TRIOBP: variants seen among roughly 807,000 people sequenced by gnomAD.
TRIOBP encodes the protein TRIO and F-actin binding protein, also known as TRIO and F-actin-binding protein.
TRIOBP carries 169 observed loss-of-function variants against 238.8 expected under a neutral mutation model. That is an observed-to-expected ratio of 0.71 (90% CI 0.62 to 0.80). TRIOBP has a LOEUF of 0.80. TRIOBP is among the 30% of genes least tolerant of loss of function. The probability of loss-of-function intolerance (pLI) is 0.00; values close to 1 mark genes in which losing one functional copy is unlikely to be tolerated. For synonymous variants in TRIOBP, 1,150 were observed against 1,274.4 expected (o/e 0.90, Z 2.08); for missense variants, 2,838 against 3,122.6 (o/e 0.91, Z 2.17).
intron 11 of TRIOBP, among the ~76,000 whole-genome samples, chr22:37,741,867 CAGGGCTGCAGAG>C (rs1383937603): frequency 6.6e-6 from 1 of 152,206 alleles, no homozygotes; most frequent in Non-Finnish European, 1.5e-5. Flanking sequence ...TGTGGAGACT[CAGGGCTGCAGAG>C]AGGGCTCAGG....
At chr22:37,737,104 G>C (rs990729316) in intron 9 of TRIOBP, among the ~76,000 whole-genome samples, 2 of 152,188 alleles carry the variant, frequency 1.3e-5, no homozygotes, top group African/African-American at 2.4e-5. Flanking sequence ...TTGCTGTCAG[G>C]CTTGTTAGGA....
rs907585850 is a variant in TRIOBP, at chr22:37,774,750, C to G, written c.*970C>G. On this transcript the variant is annotated 3_prime_UTR_variant, in exon 24 of 24. Transcript: ENST00000644935. ...GCAAGTCCAGTCCCACCCCAACCTA[C>G]TGAACCAGCGTCTGCATTTTAACAG... 2.0e-5 allele frequency: 3 copies of G among 152,378 alleles called. No homozygotes were observed. Among genetic ancestry groups the G allele is most frequent in the African/African-American group, 4.8e-5 (2 of 41,440 alleles). 9.4% of individuals were successfully genotyped at this position (152,378 alleles called of 1,614,324 possible).
At chr22:37,709,473 AG>A (rs1436426679) in intron 3 of TRIOBP, among the ~76,000 whole-genome samples, 5 of 152,176 alleles carry the variant, frequency 3.3e-5, no homozygotes, top group Non-Finnish European at 2.9e-5. Flanking sequence ...CTGCCACCAC[AG>A]CCCGGAGTCG....
rs751630433 is a variant in TRIOBP, at chr22:37,726,049, T to C, written c.3493T>C (p.Cys1165Arg). Reference protein sequence around the residue: ...HECPHIPTPVCIGHRDAPSFS... With the variant: ...HECPHIPTPVRIGHRDAPSFS... ...GTGCCCCCACATCCCCACCCCTGTG[T>C]GCATTGGGCACCGGGATGCACCCTC... Residue 1165 changes from cysteine to arginine, a missense_variant, in exon 7 of 24, where the codon TGC (cysteine) becomes CGC (arginine). By Grantham distance (180) the Cys-to-Arg change is radical. Around this residue, in one of 5 missense-constraint regions of TRIOBP, gnomAD observed 2,096 missense variants for 2,137.4 expected, o/e 0.98. Coordinates refer to ENST00000644935, the MANE Select transcript of TRIOBP (RefSeq NM_001039141.3). The C allele has an allele frequency of 6.2e-7, 1 of 1,611,020 alleles. No homozygotes were observed. The highest frequency in any genetic ancestry group is 1.1e-5 in the South Asian group (1 of 90,764).
At chr22:37,717,983 C>G (rs1015572959) in intron 6 of TRIOBP, among the ~76,000 whole-genome samples, 2 of 152,186 alleles carry the variant, frequency 1.3e-5, no homozygotes, top group Non-Finnish European at 2.9e-5. Flanking sequence ...GAGCCCTGCC[C>G]GGTGGGAAGG....
chr22:37,703,211 G>T (rs1199649620), intron 3 of TRIOBP, among the ~76,000 whole-genome samples: 1 of 151,820 alleles, frequency 6.6e-6, no homozygotes, highest in Admixed American at 6.6e-5. Flanking sequence ...GGTCAGTCTG[G>T]TCTCGAACTC....
intron 10 of TRIOBP, among the ~76,000 whole-genome samples, chr22:37,739,839 G>A (rs550478219): frequency 3.3e-5 from 5 of 152,298 alleles, no homozygotes; most frequent in East Asian, 1.9e-4. Flanking sequence ...TGAACGAGGC[G>A]GAAACAGCAA....
intron 6 of TRIOBP, among the ~76,000 whole-genome samples, chr22:37,716,948 G>A (rs569012199): frequency 2.6e-5 from 4 of 152,320 alleles, no homozygotes; most frequent in Non-Finnish European, 5.9e-5. Flanking sequence ...CAGCAAACAG[G>A]ATAGTCATGG....
At chr22:37,731,038 C>T (rs546390231) in intron 7 of TRIOBP, among the ~76,000 whole-genome samples, 21 of 152,046 alleles carry the variant, frequency 1.4e-4, no homozygotes, top group Admixed American at 3.3e-4. Flanking sequence ...GGTTCCTCTC[C>T]GAACCAGCTG....
chr22:37,736,713 C>T (rs1015556784), intron 9 of TRIOBP, among the ~76,000 whole-genome samples: 1 of 152,118 alleles, frequency 6.6e-6, no homozygotes, highest in Non-Finnish European at 1.5e-5. Flanking sequence ...CTGCAACCTC[C>T]GCCCCCCAGG....
intron 22 of TRIOBP, 84 bp downstream of exon 22, chr22:37,771,820 G>A: frequency 1.6e-6 from 2 of 1,237,064 alleles, no homozygotes; most frequent in Non-Finnish European, 2.4e-6. Flanking sequence ...TCTGTGCCAA[G>A]CCCTCCACTC....
Position 37,769,109 on chromosome 22 carries a change from C to T in TRIOBP, c.6657C>T (p.Leu2219=), listed in dbSNP as rs757527207. The part of the protein sequence containing the change: ...YSQKCLEIGA[L]MRQAEEREHT... Reference sequence around the variant, plus strand: ...AGAAGTGCCTGGAGATTGGGGCACTCATGCGGCAGGCTGAGGAGCGCGAGC... The same window carrying T: ...AGAAGTGCCTGGAGATTGGGGCACTTATGCGGCAGGCTGAGGAGCGCGAGC... The change falls in exon 20 of 24, where the codon CTC becomes CTT. Residue 2219 remains leucine (L), a synonymous_variant. Coordinates refer to ENST00000644935, the MANE Select transcript of TRIOBP (RefSeq NM_001039141.3). 32 of 1,613,496 alleles carry T rather than the reference C, an allele frequency of 2.0e-5. No homozygotes were observed. Among genetic ancestry groups the T allele is most frequent in the Non-Finnish European group, 2.6e-5 (31 of 1,180,024 alleles).
rs1601667913 is a variant in TRIOBP at position 37,767,535 on chromosome 22, G to GAGGAA, written c.6473-535_6473-531dup. Among the ~76,000 whole-genome samples the GAGGAA allele has an allele frequency of 5.9e-5, 9 of 152,288 alleles. No homozygotes were observed. In the East Asian group the frequency reaches 1.7e-3, roughly 29 times the overall value. ...TCACACACCTTCCAATAACCCCATG[G>GAGGAA]AGGAAAGGTACTGTTGTTATCGATC... is the stretch of plus-strand genomic sequence containing the variant. On this transcript the variant is annotated intron_variant, in intron 18 of 23. Coordinates refer to ENST00000644935, the MANE Select transcript of TRIOBP (RefSeq NM_001039141.3).
In TRIOBP at chr22:37,715,975, G is replaced by T. The variant is rs745592830; in HGVS notation, c.628+41G>T. The T allele has an allele frequency of 2.5e-6, 4 of 1,609,116 alleles. No individual in the cohort carries two copies. In the African/African-American group the frequency reaches 4.0e-5, roughly 16 times the overall value. ...AGGTTGGTTCCCATGGTGATGGCCT[G>T]GGGCCCCCCAGATAGCCATCTCACT... On this transcript the variant is annotated intron_variant, in intron 6 of 23. Coordinates refer to ENST00000644935, the MANE Select transcript of TRIOBP (RefSeq NM_001039141.3).
In TRIOBP at chr22:37,758,004, GAGA is replaced by G. The variant is rs1926033989; in HGVS notation, c.6085_6087del (p.Lys2029del). ...GCAAAACCGGCTTAGTGAGGAGATC[GAGA>G]AGAAGTGGCAGGAGCTGGAGAAGCT... is the stretch of plus-strand genomic sequence containing the variant. On this transcript the variant is annotated inframe_deletion, in exon 16 of 24. Transcript: ENST00000644935. The G allele has an allele frequency of 2.5e-6, 4 of 1,605,512 alleles. No individual in the cohort carries two copies. Among genetic ancestry groups the G allele is most frequent in the South Asian group, 1.1e-5 (1 of 89,960 alleles).
chr22:37,715,931 G>T lies in TRIOBP; in HGVS notation c.625G>T (p.Glu209Ter). 1 of 1,612,530 alleles carries T rather than the reference G, an allele frequency of 6.2e-7. No individual in the cohort carries two copies. Among genetic ancestry groups the T allele is most frequent in the South Asian group, 1.1e-5 (1 of 91,018 alleles). Residue 209 changes from glutamate to a stop codon, truncating the protein, a stop_gained, in exon 6 of 24, where the codon GAG (glutamate) becomes TAG (stop). Coordinates refer to ENST00000644935, the MANE Select transcript of TRIOBP (RefSeq NM_001039141.3). LOFTEE classifies it high-confidence loss of function. ...VGGDAAGQKK[E>*]DTGGGGRSAG... is the part of the protein sequence containing the mutation. ...AGGAGATGCTGCAGGCCAGAAAAAGGAGGGTGAGTCCTTCTGCCAGGTTGG... is the reference window on the plus strand; with the variant it reads ...AGGAGATGCTGCAGGCCAGAAAAAGTAGGGTGAGTCCTTCTGCCAGGTTGG...
chr22:37,734,369 G>A (rs1248541703), intron 8 of TRIOBP, 30 bp from the exon 9 acceptor site: 11 of 1,601,858 alleles, frequency 6.9e-6, no homozygotes, highest in Non-Finnish European at 8.5e-6. Flanking sequence ...CAGAGAGAGA[G>A]CCTCACCTAC....
chr22:37,712,417 C>T (rs1033520516), intron 4 of TRIOBP, among the ~76,000 whole-genome samples: 6 of 151,938 alleles, frequency 3.9e-5, no homozygotes, highest in African/African-American at 1.2e-4. Flanking sequence ...CTGCAACCTC[C>T]ACCTCCTGGC....
chr22:37,749,269 C>A (rs1432420146), intron 11 of TRIOBP, among the ~76,000 whole-genome samples: 1 of 152,052 alleles, frequency 6.6e-6, no homozygotes, highest in Non-Finnish European at 1.5e-5. Context: ...GCAGGAGAAA[C>A]GCTTCAACCC....
Sources: allele counts gnomAD v4.1 joint callset (sites outside exome capture counted in the v4.1 genomes callset), GRCh38; gene constraint gnomAD v4.1.1; regional missense constraint gnomAD v4.1.1; transcripts MANE v1.5; gene names NCBI Gene and HGNC (gene_info 2026-07-23, HGNC 2026-07-21).